THADA: variants seen among roughly 807,000 people sequenced by gnomAD.
THADA encodes the protein tRNA (32-2'-O)-methyltransferase regulator THADA.
In THADA, 213 loss-of-function variants were observed where a neutral mutation model predicts 219.8. The ratio of observed to expected loss-of-function variants is 0.97; its 90% CI spans 0.87 to 1.09. The LOEUF is 1.09. Among genes scored for constraint, THADA ranks in the 50% least tolerant of loss-of-function variants. THADA has a pLI of 0.00. For synonymous variants in THADA, 1,018 were observed against 828.9 expected, an observed-to-expected ratio of 1.23 and a Z score of -3.92; for missense variants, 2,956 against 2,311.3, an observed-to-expected ratio of 1.28 and a Z score of -5.72.
At chr2:43,434,673 C>T (rs958578339) in intron 26 of THADA, among the ~76,000 whole-genome samples, 1 of 152,192 alleles carries the variant, frequency 6.6e-6, no homozygotes, top group Non-Finnish European at 1.5e-5. Context: ...GGCCCAAATC[C>T]AGCGGAAAAC....
At chr2:43,279,649 G>T in intron 36 of THADA, 116 bp downstream of exon 36, 1 of 1,337,958 alleles carries the variant, frequency 7.5e-7, no homozygotes, top group Non-Finnish European at 9.9e-7. Context: ...TGGCAGAGTT[G>T]AGACACAGAC....
chr2:43,266,600 C>G (rs1324656599), intron 36 of THADA, among the ~76,000 whole-genome samples: 1 of 151,992 alleles, frequency 6.6e-6, no homozygotes, highest in Admixed American at 6.6e-5. Flanking sequence ...GAGACTCCCT[C>G]TCAAAAACAA....
At chr2:43,414,386 G>A (rs1050090058) in intron 28 of THADA, among the ~76,000 whole-genome samples, 2 of 152,148 alleles carry the variant, frequency 1.3e-5, no homozygotes, top group Non-Finnish European at 2.9e-5. Context: ...TGATACTCAC[G>A]TCTTCACAGA....
At chr2:43,299,367 A>T (rs1675977494) in intron 31 of THADA, among the ~76,000 whole-genome samples, 1 of 152,160 alleles carries the variant, frequency 6.6e-6, no homozygotes, top group Non-Finnish European at 1.5e-5. Flanking sequence ...AATAATAACT[A>T]TAAAAATCTA....
At chr2:43,549,546 T>G (rs1696504387) in intron 19 of THADA, among the ~76,000 whole-genome samples, 178 bp from the exon 20 acceptor site, 1 of 152,210 alleles carries the variant, frequency 6.6e-6, no homozygotes, top group African/African-American at 2.4e-5. Context: ...GATGCTTGAG[T>G]GCATTTTTAA....
intron 26 of THADA, among the ~76,000 whole-genome samples, chr2:43,442,700 G>T (rs1003420212): frequency 6.6e-6 from 1 of 152,126 alleles, no homozygotes; most frequent in Non-Finnish European, 1.5e-5. Flanking sequence ...TACAAGAGCA[G>T]ATGGACTAGG....
chr2:43,336,870 G>A (rs1028448166), intron 30 of THADA, among the ~76,000 whole-genome samples: 23 of 152,172 alleles, frequency 1.5e-4, no homozygotes, highest in African/African-American at 4.6e-4. Context: ...TGAGAGACGC[G>A]GCTGGGCGGG....
chr2:43,291,307 C>T (rs928781840), intron 34 of THADA, among the ~76,000 whole-genome samples: 5 of 151,274 alleles, frequency 3.3e-5, no homozygotes, highest in Non-Finnish European at 5.9e-5. Context: ...AAAAATTAGC[C>T]GGGCGTGCTG....
intron 20 of THADA, among the ~76,000 whole-genome samples, chr2:43,545,141 T>G (rs1213667296): frequency 5.9e-5 from 9 of 152,164 alleles, no homozygotes; most frequent in Non-Finnish European, 1.3e-4. Context: ...TCATGTGGTT[T>G]TTGTCTTTCG....
chr2:43,438,295 A>G (rs1680387583), intron 26 of THADA, among the ~76,000 whole-genome samples: 2 of 104,160 alleles, frequency 1.9e-5, no homozygotes, highest in South Asian at 7.3e-4. Context: ...GAGCGACTCC[A>G]TCTCAAAAAA....
chr2:43,505,451 G>T (rs114258346), intron 24 of THADA, among the ~76,000 whole-genome samples, 171 bp downstream of exon 24: 2 of 152,158 alleles, frequency 1.3e-5, no homozygotes, highest in African/African-American at 4.8e-5. Context: ...AACTGCAGGC[G>T]GCTGAGGCAG....
chr2:43,583,649 T>G (rs941567307), intron 7 of THADA, among the ~76,000 whole-genome samples: 1 of 152,004 alleles, frequency 6.6e-6, no homozygotes, highest in Non-Finnish European at 1.5e-5. Context: ...AGCCTAAAGG[T>G]AGAAACAGAT....
chr2:43,509,763 A>C (rs1403576633), intron 22 of THADA, among the ~76,000 whole-genome samples: 3 of 152,206 alleles, frequency 2.0e-5, no homozygotes. Flanking sequence ...TATAAATAAG[A>C]CTACTTTAAA....
chr2:43,497,483 C>G (rs1440745736), intron 25 of THADA, among the ~76,000 whole-genome samples: 2 of 152,128 alleles, frequency 1.3e-5, no homozygotes, highest in African/African-American at 4.8e-5. Flanking sequence ...GGGAGCTGAA[C>G]AGTGAGAACA....
intron 29 of THADA, among the ~76,000 whole-genome samples, chr2:43,379,905 T>C (rs1671798494): frequency 6.6e-6 from 1 of 152,216 alleles, no homozygotes; most frequent in South Asian, 2.1e-4. Flanking sequence ...TAAATGTATT[T>C]TGCTAACTGA....
At chr2:43,558,244 C>T (rs891021201) in intron 16 of THADA, among the ~76,000 whole-genome samples, 15 of 152,226 alleles carry the variant, frequency 9.9e-5, no homozygotes, top group South Asian at 4.1e-4. Flanking sequence ...GTCAACAATA[C>T]GTATGTACAC....
At chr2:43,301,091 GC>G (rs1676211561) in intron 31 of THADA, among the ~76,000 whole-genome samples, 1 of 152,196 alleles carries the variant, frequency 6.6e-6, no homozygotes, top group Admixed American at 6.5e-5. Context: ...GGCGCAGACA[GC>G]TGTAATCTTA....
At chr2:43,278,076 G>A (rs13394059) in intron 36 of THADA, among the ~76,000 whole-genome samples, 21,787 of 151,026 alleles carry the variant, frequency 0.14, 1,758 homozygotes, top group African/African-American at 0.22. Context: ...TCAGCCTCCC[G>A]AGTAGCTGGG....
chr2:43,451,964 G>A (rs149953642), intron 26 of THADA, among the ~76,000 whole-genome samples: 2,439 of 152,190 alleles, frequency 0.016, 28 homozygotes, highest in Non-Finnish European at 0.027. Context: ...AAAATTAGCC[G>A]GGCGTGATGG....
Sources: allele counts gnomAD v4.1 joint callset (sites outside exome capture counted in the v4.1 genomes callset), GRCh38; gene constraint gnomAD v4.1.1; transcripts MANE v1.5; gene names NCBI Gene and HGNC (gene_info 2026-07-23, HGNC 2026-07-21).